The following AKAP19 variants were observed in gnomAD, a reference collection of about 807,000 sequenced individuals.
The protein encoded by AKAP19 is A-kinase anchoring protein 19.
the AKAP19 span, among the ~76,000 whole-genome samples, chr2:190,158,487 A>G: frequency 6.6e-6 from 1 of 152,232 alleles, no homozygotes; most frequent in Non-Finnish European, 1.5e-5. Flanking sequence ...AAATGGTAAG[A>G]ATTTATATAT....
the AKAP19 span, among the ~76,000 whole-genome samples, chr2:190,124,478 G>C: frequency 6.6e-6 from 1 of 152,196 alleles, no homozygotes. Context: ...GAAAACTACA[G>C]CATAAAAGAT....
the AKAP19 span, among the ~76,000 whole-genome samples, chr2:189,924,410 C>T: frequency 6.6e-6 from 1 of 152,206 alleles, no homozygotes; most frequent in South Asian, 2.1e-4. Flanking sequence ...CTTCCTTTGA[C>T]GCTCCTAGTA....
the AKAP19 span, among the ~76,000 whole-genome samples, chr2:189,900,255 G>T: frequency 6.6e-6 from 1 of 151,310 alleles, no homozygotes; most frequent in Non-Finnish European, 1.5e-5. Context: ...TTGTTTCTTC[G>T]GGATAAATTC....
At chr2:189,996,107 G>A in the AKAP19 span, among the ~76,000 whole-genome samples, 10 of 152,284 alleles carry the variant, frequency 6.6e-5, no homozygotes, top group African/African-American at 2.4e-4. Flanking sequence ...TTTCCGAGAT[G>A]TTCTTTGAGC....
chr2:190,140,421 C>T, the AKAP19 span, among the ~76,000 whole-genome samples: 1 of 152,222 alleles, frequency 6.6e-6, no homozygotes, highest in Non-Finnish European at 1.5e-5. Context: ...AGGTTCTCCA[C>T]AAGGGCTCCA....
the AKAP19 span, among the ~76,000 whole-genome samples, chr2:190,166,907 AGAAAGAAAAAT>A: frequency 8.7e-6 from 1 of 114,384 alleles, no homozygotes; most frequent in Admixed American, 8.7e-5. Flanking sequence ...GAAAGAAAAA[AGAAAGAAAAAT>A]GAATGACATG....
chr2:189,960,985 T>C, the AKAP19 span, among the ~76,000 whole-genome samples: 1 of 152,224 alleles, frequency 6.6e-6, no homozygotes, highest in Non-Finnish European at 1.5e-5. Context: ...CTCTAGCCTA[T>C]ACCAGATTTT....
chr2:190,062,524 C>T, the AKAP19 span: 10 of 1,613,230 alleles, frequency 6.2e-6, no homozygotes, highest in Non-Finnish European at 8.5e-6. Context: ...TCACTGTTCT[C>T]ATTTAGATCC....
chr2:189,915,437 T>C, the AKAP19 span, among the ~76,000 whole-genome samples: 3 of 152,156 alleles, frequency 2.0e-5, no homozygotes, highest in South Asian at 2.1e-4. Flanking sequence ...CTTAGTTTGT[T>C]ATATCATTTG....
the AKAP19 span, among the ~76,000 whole-genome samples, chr2:189,897,244 C>A: frequency 1.3e-5 from 2 of 152,062 alleles, no homozygotes; most frequent in South Asian, 4.1e-4. Context: ...AAAAGCAAAT[C>A]ATTTTTAAAA....
At chr2:190,004,577 CTTT>C in the AKAP19 span, among the ~76,000 whole-genome samples, 1 of 146,092 alleles carries the variant, frequency 6.8e-6, no homozygotes, top group Non-Finnish European at 1.5e-5. Context: ...TCTTATAAAC[CTTT>C]TTATTTTTTT....
At chr2:190,035,092 T>C in the AKAP19 span, among the ~76,000 whole-genome samples, 1 of 152,230 alleles carries the variant, frequency 6.6e-6, no homozygotes, top group South Asian at 2.1e-4. Flanking sequence ...TGTAATGTAT[T>C]CATTTTAAAA....
chr2:190,014,579 C>T, the AKAP19 span, among the ~76,000 whole-genome samples: 1 of 152,124 alleles, frequency 6.6e-6, no homozygotes, highest in South Asian at 2.1e-4. Flanking sequence ...CTCCTGGCCA[C>T]TCCAAATCTC....
chr2:189,897,424 G>A, the AKAP19 span, among the ~76,000 whole-genome samples: 2 of 151,998 alleles, frequency 1.3e-5, no homozygotes, highest in African/African-American at 4.8e-5. Context: ...GCTAATGAAA[G>A]CCCCTTTTTA....
At chr2:189,998,771 C>CTTTTTTTTTTTTTTTTTTTT in the AKAP19 span, among the ~76,000 whole-genome samples, 7 of 97,542 alleles carry the variant, frequency 7.2e-5, no homozygotes, top group Non-Finnish European at 1.1e-4. Flanking sequence ...TTCTTTCTTT[C>CTTTTTTTTTTTTTTTTTTTT]TTTTTTTTTT....
At chr2:189,985,503 T>G in the AKAP19 span, among the ~76,000 whole-genome samples, 1 of 152,188 alleles carries the variant, frequency 6.6e-6, no homozygotes, top group Non-Finnish European at 1.5e-5. Context: ...GTCCGTTGCT[T>G]TGAACTGCCT....
At chr2:190,092,753 TGCCAGTCCAGAATAATA>T in the AKAP19 span, among the ~76,000 whole-genome samples, 1 of 152,194 alleles carries the variant, frequency 6.6e-6, no homozygotes, top group African/African-American at 2.4e-5. Context: ...CCCAAATCCT[TGCCAGTCCAGAATAATA>T]GCCTTTTAAG....
At chr2:189,911,370 G>C in the AKAP19 span, among the ~76,000 whole-genome samples, 1 of 152,020 alleles carries the variant, frequency 6.6e-6, no homozygotes. Context: ...TAAGATTACT[G>C]AATTTTGAAG....
the AKAP19 span, among the ~76,000 whole-genome samples, chr2:190,166,286 A>G: frequency 7.4e-6 from 1 of 135,794 alleles, no homozygotes; most frequent in African/African-American, 2.7e-5. Flanking sequence ...AAACTTGACT[A>G]TGTGAAGGAA....
Sources: gnomAD v4.1 joint callset for allele counts (sites outside exome capture counted in the v4.1 genomes callset) on GRCh38, gnomAD v4.1.1 for gene constraint, MANE v1.5 for transcripts, NCBI Gene and HGNC (gene_info 2026-07-23, HGNC 2026-07-21) for gene names.